RNF217: variants seen among roughly 807,000 people sequenced by gnomAD.
The protein encoded by RNF217 is E3 ubiquitin-protein ligase RNF217.
A neutral mutation model predicts 57.8 loss-of-function variants in RNF217; 31 were observed. That is an observed-to-expected ratio of 0.54 (90% CI 0.40 to 0.72). RNF217 has a LOEUF of 0.72. RNF217 is among the 30% of genes least tolerant of loss of function. RNF217 has a pLI of 0.00. For missense variants in RNF217, 696 were observed against 708.3 expected (o/e 0.98, Z 0.20); for synonymous variants, 313 against 294.0 (o/e 1.06, Z -0.66).
intron 3 of RNF217, among the ~76,000 whole-genome samples, chr6:125,072,848 A>G (rs538521323): frequency 1.1e-4 from 9 of 80,126 alleles, no homozygotes; most frequent in African/African-American, 1.1e-3. Context: ...TAGCATAATA[A>G]AGAAACACAT....
chr6:125,009,623 TC>T, intron 1 of RNF217: 1 of 225,398 alleles, frequency 4.4e-6, no homozygotes, highest in Non-Finnish European at 8.6e-6. Context: ...CCTCCCTTTC[TC>T]CCTCCTGCCC....
At chr6:125,052,309 TG>T (rs1279980356) in intron 2 of RNF217, among the ~76,000 whole-genome samples, 1,595 of 149,084 alleles carry the variant, frequency 0.011, 34 homozygotes, top group African/African-American at 0.039. Flanking sequence ...TGTGTGTGTG[TG>T]TGTGTGTGTG....
chr6:125,023,457 C>T (rs1306890171), intron 1 of RNF217, among the ~76,000 whole-genome samples: 1 of 152,128 alleles, frequency 6.6e-6, no homozygotes, highest in Non-Finnish European at 1.5e-5. Flanking sequence ...GAAGAGGGCA[C>T]CCTTGTATAC....
chr6:124,999,194 T>G (rs1784875270), intron 1 of RNF217, among the ~76,000 whole-genome samples: 1 of 152,210 alleles, frequency 6.6e-6, no homozygotes, highest in African/African-American at 2.4e-5. Flanking sequence ...TGGCTGATCT[T>G]TGGTATATTT....
At chr6:125,033,042 C>T (rs893032929) in intron 1 of RNF217, among the ~76,000 whole-genome samples, 1 of 152,062 alleles carries the variant, frequency 6.6e-6, no homozygotes, top group Non-Finnish European at 1.5e-5. Context: ...TTCATATGCT[C>T]ACTGGCCATT....
Position 124,962,779 on chromosome 6 carries a change from A to C in RNF217, c.235A>C (p.Ser79Arg). The C allele has an allele frequency of 6.3e-7, 1 of 1,596,142 alleles. No homozygotes were observed. Among genetic ancestry groups the C allele is most frequent in the African/African-American group, 1.3e-5 (1 of 74,896 alleles). The change falls in exon 1 of 6, where the codon AGT becomes CGT. Residue 79 changes from serine (S) to arginine (R), a missense_variant. Physicochemically the swap from Ser to Arg is moderately radical, Grantham distance 110. Around this residue, in one of 2 missense-constraint regions of RNF217, gnomAD observed 465 missense variants for 386.8 expected, o/e 1.20. Coordinates refer to ENST00000521654, the MANE Select transcript of RNF217 (RefSeq NM_001286398.3). This position sits in a 1 kb window ranked among gnomAD's most constrained non-coding sequence, Gnocchi z 4.6. Reference sequence around the variant, plus strand: ...GAGGAGCCTGGGGCCCCCGGGCTGGAGTAAGAGCCGAGCACCGGCGCAGCC... The same window carrying C: ...GAGGAGCCTGGGGCCCCCGGGCTGGCGTAAGAGCCGAGCACCGGCGCAGCC... ...PARSLGPPGW[S>R]KSRAPAQPAG...
At chr6:125,000,922 G>A (rs1417878416) in intron 1 of RNF217, among the ~76,000 whole-genome samples, 1 of 151,998 alleles carries the variant, frequency 6.6e-6, no homozygotes, top group Non-Finnish European at 1.5e-5. Flanking sequence ...TAATGCCATG[G>A]ATATTTCAAA....
intron 2 of RNF217, chr6:125,048,265 C>T: frequency 7.4e-7 from 1 of 1,343,112 alleles, no homozygotes; most frequent in Non-Finnish European, 9.9e-7. Context: ...AACAGGTGAA[C>T]ATTTTTTATT....
intron 1 of RNF217, among the ~76,000 whole-genome samples, chr6:125,019,917 C>T (rs1264399753): frequency 6.6e-6 from 1 of 151,950 alleles, no homozygotes; most frequent in Non-Finnish European, 1.5e-5. Context: ...ATTAAAGTTG[C>T]TGTTTGCCTC....
chr6:125,044,753 TA>T (rs1423669391), intron 1 of RNF217, among the ~76,000 whole-genome samples: 5 of 152,234 alleles, frequency 3.3e-5, no homozygotes, highest in Middle Eastern at 3.4e-3. Context: ...TTTAAAATAG[TA>T]AAATGTGCCC....
chr6:125,074,349 ATAGG>A (rs1237598475), intron 3 of RNF217, among the ~76,000 whole-genome samples: 8 of 139,392 alleles, frequency 5.7e-5, no homozygotes, highest in Admixed American at 3.0e-4. Flanking sequence ...AGATAGATAG[ATAGG>A]GATGGGAGGA....
intron 1 of RNF217, among the ~76,000 whole-genome samples, chr6:125,000,142 A>T (rs1363956572): frequency 2.7e-5 from 4 of 150,652 alleles, no homozygotes; most frequent in African/African-American, 9.7e-5. Flanking sequence ...ATCTCTGTTT[A>T]TTTTTTTTTA....
At position 125,057,925 on chromosome 6, in the gene RNF217, AT is replaced by A; in HGVS notation, c.1117-10del. The A allele has an allele frequency of 6.3e-7, 1 of 1,582,808 alleles. No homozygotes were observed. The highest frequency in any genetic ancestry group is 8.6e-7 in the Non-Finnish European group (1 of 1,162,844). On this transcript the variant is annotated splice_polypyrimidine_tract_variant and intron_variant, in intron 2 of 5. Coordinates refer to ENST00000521654, the MANE Select transcript of RNF217 (RefSeq NM_001286398.3). Reference sequence around the variant, plus strand: ...AGTATATCCACTAGTAATTAATATGATTTTTTTCTTACACAGATCCAGTGCC... The same window carrying A: ...AGTATATCCACTAGTAATTAATATGATTTTTTCTTACACAGATCCAGTGCC...
chr6:125,019,899 C>T (rs1479087145), intron 1 of RNF217, among the ~76,000 whole-genome samples: 1 of 151,832 alleles, frequency 6.6e-6, no homozygotes, highest in Non-Finnish European at 1.5e-5. Flanking sequence ...GCCATTTTTG[C>T]CCAACAGATT....
chr6:125,015,667 T>C (rs1222396286), intron 1 of RNF217, among the ~76,000 whole-genome samples: 3 of 152,050 alleles, frequency 2.0e-5, no homozygotes, highest in Admixed American at 6.6e-5. Context: ...ACATCCAGTA[T>C]ATTTTCTCTA....
intron 1 of RNF217, among the ~76,000 whole-genome samples, chr6:124,970,693 T>C (rs1354203543): frequency 1.3e-5 from 2 of 151,794 alleles, no homozygotes; most frequent in Non-Finnish European, 2.9e-5. Flanking sequence ...GTGGAGGGAG[T>C]GTCAGTAGCT....
intron 3 of RNF217, among the ~76,000 whole-genome samples, chr6:125,061,778 A>G (rs941358221): frequency 1.3e-5 from 2 of 151,910 alleles, no homozygotes; most frequent in African/African-American, 4.8e-5. Context: ...ATATCTTTGT[A>G]TATCTTTTGT....
At chr6:125,032,594 A>G (rs1786408301) in intron 1 of RNF217, among the ~76,000 whole-genome samples, 1 of 152,116 alleles carries the variant, frequency 6.6e-6, no homozygotes, top group Admixed American at 6.5e-5. Flanking sequence ...TTTGTATTTC[A>G]TGTATATACT....
rs1045068190 is a variant in RNF217 at position 125,074,306 on chromosome 6, T to C, written c.1282-2351T>C. Among the ~76,000 whole-genome samples the C allele has an allele frequency of 2.4e-4, 20 of 83,112 alleles. 1 individual carries two copies. Among genetic ancestry groups the C allele is most frequent in the Admixed American group, 7.8e-4 (6 of 7,732 alleles). 54.5% of individuals were successfully genotyped at this position (83,112 alleles called of 152,430 possible). ...GGTAGACAGAAGATAGGTAGATAGA[T>C]AGATAGATAGATAGATAGATAGATA... On this transcript the variant is annotated intron_variant, in intron 3 of 5. Transcript: ENST00000521654.
Sources: allele counts gnomAD v4.1 joint callset (sites outside exome capture counted in the v4.1 genomes callset), GRCh38; gene constraint gnomAD v4.1.1; regional missense constraint gnomAD v4.1.1; non-coding constraint Gnocchi (gnomAD v3.1); transcripts MANE v1.5; gene names NCBI Gene and HGNC (gene_info 2026-07-23, HGNC 2026-07-21).